LPO: variants seen among roughly 807,000 people sequenced by gnomAD.
LPO encodes the protein salivary peroxidase.
LPO carries 70 observed loss-of-function variants against 68.4 expected under a neutral mutation model. The ratio of observed to expected loss-of-function variants is 1.02; its 90% CI spans 0.84 to 1.25. The LOEUF (loss-of-function observed/expected upper bound fraction) is 1.25, where lower values mean the gene tolerates loss of function less well. Among genes scored for constraint, LPO ranks in the 50% most tolerant of loss-of-function variants. The pLI is 0.00. For missense variants in LPO, 873 were observed against 908.4 expected (o/e 0.96, Z 0.50); for synonymous variants, 360 against 357.6 (o/e 1.01, Z -0.08).
Position 58,244,087 on chromosome 17 carries a change from TGAGA to T in LPO, c.164+7_164+10del. The T allele has an allele frequency of 7.0e-7, 1 of 1,436,254 alleles. No homozygotes were observed. Among genetic ancestry groups the T allele is most frequent in the Non-Finnish European group, 9.5e-7 (1 of 1,047,670 alleles). 89.0% of individuals were successfully genotyped at this position (1,436,254 alleles called of 1,614,324 possible). On this transcript the variant is annotated splice_region_variant and intron_variant, in intron 3 of 12. Coordinates refer to ENST00000262290, the MANE Select transcript of LPO (RefSeq NM_006151.3). ...TTCCTGGACTCCCGAACCAGGTACG[TGAGA>T]CACACACACACACACACACACACAC... is the stretch of plus-strand genomic sequence containing the variant.
Position 58,264,083 on chromosome 17 carries a change from G to A in LPO, c.1267-639G>A, listed in dbSNP as rs73314178. Reference sequence around the variant, plus strand: ...TAGATAGAAATGTGGAAAATGTGAAGCAAAAAAGCAGAATGCACAGGTATG... The same window carrying A: ...TAGATAGAAATGTGGAAAATGTGAAACAAAAAAGCAGAATGCACAGGTATG... On this transcript the variant is annotated intron_variant, in intron 9 of 12. Transcript: ENST00000262290. Among the ~76,000 whole-genome samples, 554 of 152,232 alleles carry A rather than the reference G, an allele frequency of 3.6e-3. 7 individuals carry two copies. Among genetic ancestry groups the A allele is most frequent in the African/African-American group, 0.013 (532 of 41,544 alleles).
chr17:58,265,056 T>C, intron 10 of LPO, 82 bp downstream of exon 10: 3 of 1,559,788 alleles, frequency 1.9e-6, no homozygotes, highest in Non-Finnish European at 2.6e-6. Context: ...GGAAGTCAGA[T>C]TCCAAGCACT....
chr17:58,255,348 T>C (rs1420105358), intron 9 of LPO, among the ~76,000 whole-genome samples: 1 of 152,230 alleles, frequency 6.6e-6, no homozygotes, highest in East Asian at 1.9e-4. Context: ...TCTACGCCCA[T>C]CTCATGGGCA....
At chr17:58,242,927 C>T in intron 1 of LPO, 51 bp from the exon 2 acceptor site, 1 of 1,523,856 alleles carries the variant, frequency 6.6e-7, no homozygotes, top group Non-Finnish European at 9.1e-7. Flanking sequence ...TTCAAACCCT[C>T]CCACTTGGTC....
At chr17:58,248,410 G>A (rs145870849) in intron 4 of LPO, among the ~76,000 whole-genome samples, 2,151 of 151,944 alleles carry the variant, frequency 0.014, 28 homozygotes, top group Non-Finnish European at 0.018. Context: ...ATGGCCCCCC[G>A]GAAGAAGCCC....
intron 9 of LPO, among the ~76,000 whole-genome samples, chr17:58,262,123 G>A (rs1351576914): frequency 6.6e-6 from 1 of 152,084 alleles, no homozygotes; most frequent in African/African-American, 2.4e-5. Flanking sequence ...CTTTCTGAAG[G>A]TCCTGTCCTT....
chr17:58,259,791 G>C (rs1970141934), intron 9 of LPO, among the ~76,000 whole-genome samples: 1 of 152,076 alleles, frequency 6.6e-6, no homozygotes, highest in Admixed American at 6.5e-5. Context: ...TACATGTTTT[G>C]TTAGATTTAT....
intron 2 of LPO, chr17:58,243,606 T>C (rs1243833795): frequency 1.1e-5 from 3 of 280,072 alleles, no homozygotes; most frequent in African/African-American, 6.6e-5. Flanking sequence ...TCCCCTTCTG[T>C]ACGTCAGGGT....
At chr17:58,260,474 C>A (rs546732332) in intron 9 of LPO, among the ~76,000 whole-genome samples, 2 of 152,114 alleles carry the variant, frequency 1.3e-5, no homozygotes, top group Admixed American at 6.5e-5. Context: ...TCTTCCCAAT[C>A]GAGAAAGTAT....
chr17:58,253,449 C>T (rs1970002369), intron 8 of LPO, among the ~76,000 whole-genome samples: 1 of 152,066 alleles, frequency 6.6e-6, no homozygotes, highest in Non-Finnish European at 1.5e-5. Context: ...AGCTAATTTC[C>T]CAGAAGAGGA....
Position 58,254,713 on chromosome 17 carries a change from G to A in LPO, c.1106-98G>A, listed in dbSNP as rs1304397426. 4.2e-6 allele frequency: 5 copies of A among 1,192,378 alleles called. No homozygotes were observed. In the East Asian group the frequency reaches 9.9e-5, roughly 24 times the overall value. The allele number at this position is 1,192,378 out of a possible 1,614,324, so 73.9% of individuals were successfully genotyped here. A position where few individuals can be genotyped will look rare whatever the true frequency, so the allele number is the denominator to read the frequency against. On this transcript the variant is annotated intron_variant, in intron 8 of 12. Transcript: ENST00000262290. Reference sequence around the variant, plus strand: ...GGCTTGTTGACGGGGCGGGGGGGGCGGGGCGCGGTCCTGTGGGGCACCATC... The same window carrying A: ...GGCTTGTTGACGGGGCGGGGGGGGCAGGGCGCGGTCCTGTGGGGCACCATC...
intron 6 of LPO, among the ~76,000 whole-genome samples, 158 bp from the exon 7 acceptor site, chr17:58,250,257 C>T (rs1255813328): frequency 3.3e-5 from 5 of 152,148 alleles, no homozygotes; most frequent in African/African-American, 4.8e-5. Context: ...TTCAATCTCC[C>T]CCTCTACAGA....
intron 8 of LPO, chr17:58,254,549 A>G (rs915808821): frequency 2.5e-5 from 8 of 322,446 alleles, no homozygotes; most frequent in Non-Finnish European, 4.6e-5. Flanking sequence ...TCTCATTTTC[A>G]TAGGTAAGGA....
chr17:58,265,089 A>G, intron 10 of LPO, 115 bp downstream of exon 10: 2 of 1,335,082 alleles, frequency 1.5e-6, no homozygotes, highest in Non-Finnish European at 2.0e-6. Flanking sequence ...TGGGCAAATG[A>G]ATTCACCTCA....
intron 5 of LPO, 101 bp downstream of exon 5, chr17:58,249,278 CT>C: frequency 9.0e-7 from 1 of 1,111,408 alleles, no homozygotes; most frequent in Non-Finnish European, 1.3e-6. Flanking sequence ...CTGCCACTGC[CT>C]TGCCCACCTG....
At chr17:58,246,681 G>A (rs1969858515) in intron 3 of LPO, among the ~76,000 whole-genome samples, 1 of 152,216 alleles carries the variant, frequency 6.6e-6, no homozygotes, top group African/African-American at 2.4e-5. Flanking sequence ...ACGGTGTGAG[G>A]TGGGGACTCT....
intron 3 of LPO, among the ~76,000 whole-genome samples, chr17:58,246,688 C>A (rs1969858728): frequency 6.6e-6 from 1 of 152,160 alleles, no homozygotes; most frequent in Non-Finnish European, 1.5e-5. Context: ...GAGGTGGGGA[C>A]TCTAAAATAC....
At chr17:58,246,692 A>G (rs1969858788) in intron 3 of LPO, among the ~76,000 whole-genome samples, 1 of 152,166 alleles carries the variant, frequency 6.6e-6, no homozygotes, top group African/African-American at 2.4e-5. Context: ...TGGGGACTCT[A>G]AAATACCTTG....
Position 58,267,264 on chromosome 17 carries a change from G to A in LPO, c.1694-85G>A, listed in dbSNP as rs1373093969. The A allele has an allele frequency of 3.9e-6, 4 of 1,017,634 alleles. No homozygotes were observed. In the African/African-American group the frequency reaches 4.7e-5, roughly 12 times the overall value. The allele number at this position is 1,017,634 out of a possible 1,614,324, so 63.0% of individuals were successfully genotyped here. ...CTGTAAGCCCAGACTTTCTAGGGCT[G>A]ATAGAGCTGGAGTGGACATGGCCCC... On this transcript the variant is annotated intron_variant, in intron 11 of 12. Coordinates refer to ENST00000262290, the MANE Select transcript of LPO (RefSeq NM_006151.3).
Sources: allele counts gnomAD v4.1 joint callset (sites outside exome capture counted in the v4.1 genomes callset), GRCh38; gene constraint gnomAD v4.1.1; transcripts MANE v1.5; gene names NCBI Gene and HGNC (gene_info 2026-07-23, HGNC 2026-07-21).